The following AHCYL2 variants were observed in gnomAD, a reference collection of about 807,000 sequenced individuals.
The protein encoded by AHCYL2 is S-adenosylhomocysteine hydrolase-like protein 2.
A neutral mutation model predicts 81.4 loss-of-function variants in AHCYL2; 28 were observed. The ratio of observed to expected loss-of-function variants is 0.34; its 90% CI spans 0.25 to 0.47. The LOEUF (loss-of-function observed/expected upper bound fraction) is 0.47. Ranked by LOEUF, AHCYL2 falls within the 20% of genes least tolerant of loss-of-function variation. The pLI is 1.00. For missense variants in AHCYL2, 551 were observed against 785.1 expected, an observed-to-expected ratio of 0.70 and a Z score of 3.56; for synonymous variants, 272 against 290.2, an observed-to-expected ratio of 0.94 and a Z score of 0.64.
At chr7:129,227,186 C>A (rs1341804856) in intron 1 of AHCYL2, among the ~76,000 whole-genome samples, 1 of 152,074 alleles carries the variant, frequency 6.6e-6, no homozygotes, top group Admixed American at 6.6e-5. Flanking sequence ...TAGCATTGAG[C>A]TTGGCACATA....
chr7:129,243,564 G>GTTTGTT (rs148123358), intron 1 of AHCYL2, among the ~76,000 whole-genome samples: 7 of 151,040 alleles, frequency 4.6e-5, no homozygotes, highest in African/African-American at 1.7e-4. Context: ...TATGTCTTTT[G>GTTTGTT]TTTGTTTTTG....
At chr7:129,247,950 A>G (rs138717393) in intron 1 of AHCYL2, among the ~76,000 whole-genome samples, 16 of 152,306 alleles carry the variant, frequency 1.1e-4, no homozygotes, top group African/African-American at 3.6e-4. Flanking sequence ...GTGTAACTCA[A>G]GGTCACAAAT....
chr7:129,360,992 A>T (rs1793913469), intron 1 of AHCYL2, among the ~76,000 whole-genome samples: 1 of 152,202 alleles, frequency 6.6e-6, no homozygotes, highest in Non-Finnish European at 1.5e-5. Context: ...TACTTTTCAA[A>T]GTGTTGTCCC....
chr7:129,401,428 T>G (rs1796031694), intron 6 of AHCYL2, among the ~76,000 whole-genome samples: 1 of 151,714 alleles, frequency 6.6e-6, no homozygotes, highest in Non-Finnish European at 1.5e-5. Context: ...GGGCAGAAAT[T>G]AGGGAATGTA....
chr7:129,380,731 C>A (rs901112929), intron 2 of AHCYL2, among the ~76,000 whole-genome samples: 1 of 152,090 alleles, frequency 6.6e-6, no homozygotes, highest in Non-Finnish European at 1.5e-5. Flanking sequence ...TCTTGTACTA[C>A]CTTTTTTGTG....
At chr7:129,372,946 A>G (rs1794482737) in intron 1 of AHCYL2, among the ~76,000 whole-genome samples, 1 of 152,228 alleles carries the variant, frequency 6.6e-6, no homozygotes, top group African/African-American at 2.4e-5. Context: ...TTGGTTAAGT[A>G]GAGTCAAGAG....
At chr7:129,229,615 A>G (rs928364901) in intron 1 of AHCYL2, among the ~76,000 whole-genome samples, 3 of 152,192 alleles carry the variant, frequency 2.0e-5, no homozygotes, top group Non-Finnish European at 4.4e-5. Flanking sequence ...GCTTTCTCCC[A>G]GAGGTCTTTT....
At chr7:129,349,911 A>T (rs563722296) in intron 1 of AHCYL2, among the ~76,000 whole-genome samples, 2 of 152,294 alleles carry the variant, frequency 1.3e-5, no homozygotes, top group African/African-American at 4.8e-5. Context: ...AATATTGATC[A>T]TTATCTGTTA....
chr7:129,379,656 C>G lies in AHCYL2; in HGVS notation c.382C>G (p.Gln128Glu). 1 of 1,613,912 alleles carries G rather than the reference C, an allele frequency of 6.2e-7. No individual in the cohort carries two copies. The highest frequency in any genetic ancestry group is 8.5e-7 in the Non-Finnish European group (1 of 1,179,936). ...TTCTTAGCAGATCCAGTTTGCTGAC[C>G]AGAAGCAAGAATTCAACAAACGTCC... ...TVKKQIQFAD[Q>E]KQEFNKRPTK... The change falls in exon 2 of 17, where the codon CAG becomes GAG. Residue 128 changes from glutamine to glutamate, a missense_variant. This residue lies in a region of AHCYL2 where 235 missense variants were observed against 242.1 expected (regional missense o/e 0.97). Coordinates refer to ENST00000325006, the MANE Select transcript of AHCYL2 (RefSeq NM_015328.4).
chr7:129,235,001 T>G (rs900098601), intron 1 of AHCYL2, among the ~76,000 whole-genome samples: 1 of 152,224 alleles, frequency 6.6e-6, no homozygotes, highest in African/African-American at 2.4e-5. Context: ...TATGTGCTTT[T>G]TTCCTCTCAT....
At chr7:129,322,109 T>G (rs1222164516) in intron 1 of AHCYL2, among the ~76,000 whole-genome samples, 2 of 145,112 alleles carry the variant, frequency 1.4e-5, no homozygotes, top group Admixed American at 7.2e-5. Flanking sequence ...GGGCCAGGTT[T>G]TGTGTGTGTG....
At chr7:129,348,567 G>A (rs1793443394) in intron 1 of AHCYL2, among the ~76,000 whole-genome samples, 1 of 152,074 alleles carries the variant, frequency 6.6e-6, no homozygotes, top group Non-Finnish European at 1.5e-5. Context: ...AAAAACAAAT[G>A]AAGAAATAAA....
At chr7:129,249,248 C>G (rs1476984743) in intron 1 of AHCYL2, among the ~76,000 whole-genome samples, 1 of 152,052 alleles carries the variant, frequency 6.6e-6, no homozygotes, top group Non-Finnish European at 1.5e-5. Flanking sequence ...CCCTCCTGTC[C>G]TGGCCTCCCA....
chr7:129,317,197 G>A (rs1563193842), intron 1 of AHCYL2, among the ~76,000 whole-genome samples: 1 of 152,098 alleles, frequency 6.6e-6, no homozygotes, highest in Admixed American at 6.5e-5. Context: ...TTACATCTGG[G>A]CTTCTTGACT....
chr7:129,347,848 T>A (rs1274135627), intron 1 of AHCYL2, among the ~76,000 whole-genome samples: 1 of 152,200 alleles, frequency 6.6e-6, no homozygotes, highest in Non-Finnish European at 1.5e-5. Context: ...TTGTATCCCT[T>A]ACCTTGTTTA....
chr7:129,263,701 C>T (rs541807751), intron 1 of AHCYL2, among the ~76,000 whole-genome samples: 39 of 152,288 alleles, frequency 2.6e-4, no homozygotes, highest in African/African-American at 8.9e-4. Context: ...GTGTCATGAT[C>T]AGATGTGCAT....
At chr7:129,260,631 G>A (rs1453716397) in intron 1 of AHCYL2, among the ~76,000 whole-genome samples, 1 of 152,116 alleles carries the variant, frequency 6.6e-6, no homozygotes, top group East Asian at 1.9e-4. Flanking sequence ...TTCTCAGGGT[G>A]TTGCTTGACC....
At chr7:129,316,929 TGAA>T (rs1275115365) in intron 1 of AHCYL2, among the ~76,000 whole-genome samples, 1 of 152,220 alleles carries the variant, frequency 6.6e-6, no homozygotes, top group Non-Finnish European at 1.5e-5. Context: ...GTGATGGGGA[TGAA>T]GAAGCCTTGA....
chr7:129,307,525 A>G (rs1437426077), intron 1 of AHCYL2, among the ~76,000 whole-genome samples: 2 of 151,992 alleles, frequency 1.3e-5, no homozygotes, highest in African/African-American at 4.8e-5. Flanking sequence ...GGCTCAGGGT[A>G]GGTCTAGAAA....
Sources: gnomAD v4.1 joint callset for allele counts (sites outside exome capture counted in the v4.1 genomes callset) on GRCh38, gnomAD v4.1.1 for gene constraint, gnomAD v4.1.1 regional missense constraint, MANE v1.5 for transcripts, NCBI Gene and HGNC (gene_info 2026-07-23, HGNC 2026-07-21) for gene names.